Variants in THEMIS observed in about 807,000 individuals in gnomAD.
THEMIS encodes the protein thymocyte selection associated.
THEMIS carries 37 observed loss-of-function variants against 52.6 expected under a neutral mutation model. The ratio of observed to expected loss-of-function variants is 0.70; its 90% CI spans 0.54 to 0.93. The LOEUF is 0.93. THEMIS is among the 40% of genes least tolerant of loss of function. The pLI, the probability that THEMIS is intolerant of heterozygous loss-of-function variation, is 0.00. For synonymous variants in THEMIS, 292 were observed against 272.7 expected, an observed-to-expected ratio of 1.07 and a Z score of -0.70; for missense variants, 808 against 763.1, an observed-to-expected ratio of 1.06 and a Z score of -0.69.
At chr6:127,845,597 G>A (rs781646182) in intron 2 of THEMIS, among the ~76,000 whole-genome samples, 6 of 151,838 alleles carry the variant, frequency 4.0e-5, no homozygotes, top group Non-Finnish European at 7.4e-5. Context: ...CAATCCCAGA[G>A]AATTGTTATT....
At chr6:127,861,799 A>G (rs1411556659) in intron 1 of THEMIS, among the ~76,000 whole-genome samples, 1 of 86,240 alleles carries the variant, frequency 1.2e-5, no homozygotes, top group Non-Finnish European at 2.5e-5. Context: ...AAAAAAAAAA[A>G]AAAAAAGAAA....
the THEMIS span, among the ~76,000 whole-genome samples, chr6:127,702,290 A>C: frequency 6.6e-6 from 1 of 152,114 alleles, no homozygotes; most frequent in African/African-American, 2.4e-5. Flanking sequence ...CTCCTTCTGA[A>C]ATTTCACCAT....
upstream of THEMIS, among the ~76,000 whole-genome samples, chr6:127,901,546 C>T (rs1353673910): frequency 6.6e-6 from 1 of 151,854 alleles, no homozygotes; most frequent in Non-Finnish European, 1.5e-5. Context: ...TTTTATTCTT[C>T]CACATTAAAA....
At chr6:127,819,173 CAG>C (rs1778247435) in intron 3 of THEMIS, among the ~76,000 whole-genome samples, 1 of 53,448 alleles carries the variant, frequency 1.9e-5, no homozygotes, top group Non-Finnish European at 4.3e-5. Context: ...AACACAGAAA[CAG>C]AAATAAAGTC....
At chr6:127,847,487 A>G (rs1490561940) in intron 2 of THEMIS, among the ~76,000 whole-genome samples, 1 of 152,158 alleles carries the variant, frequency 6.6e-6, no homozygotes, top group South Asian at 2.1e-4. Context: ...CTTTAAATCA[A>G]CAATGACCAA....
intron 3 of THEMIS, among the ~76,000 whole-genome samples, chr6:127,817,631 C>A (rs1218773663): frequency 6.6e-6 from 1 of 152,062 alleles, no homozygotes; most frequent in Non-Finnish European, 1.5e-5. Context: ...TGAAAATCAA[C>A]AACTCTTCTT....
chr6:127,727,326 A>G (rs1774584808), intron 4 of THEMIS, among the ~76,000 whole-genome samples: 1 of 152,200 alleles, frequency 6.6e-6, no homozygotes, highest in Admixed American at 6.6e-5. Context: ...ATTTTAAATT[A>G]TGAAAACAGA....
At chr6:127,719,523 T>G (rs910301525) in intron 5 of THEMIS, among the ~76,000 whole-genome samples, 165 bp downstream of exon 5, 1 of 151,962 alleles carries the variant, frequency 6.6e-6, no homozygotes, top group Non-Finnish European at 1.5e-5. Context: ...TTCAATATCA[T>G]GCTTCACATA....
chr6:127,758,088 A>G (rs1379775133), intron 4 of THEMIS, among the ~76,000 whole-genome samples: 1 of 151,502 alleles, frequency 6.6e-6, no homozygotes, highest in East Asian at 1.9e-4. Context: ...CATGTTCATA[A>G]CAAAAGAGAT....
chr6:127,893,841 A>G (rs537931962), intron 1 of THEMIS, among the ~76,000 whole-genome samples: 1 of 152,258 alleles, frequency 6.6e-6, no homozygotes, highest in Non-Finnish European at 1.5e-5. Context: ...GAGGACAAAG[A>G]ATATGTTTCC....
At chr6:127,899,924 T>TATATATAA (rs1554248219) in intron 1 of THEMIS, among the ~76,000 whole-genome samples, 1 of 144,570 alleles carries the variant, frequency 6.9e-6, no homozygotes, top group African/African-American at 2.5e-5. Flanking sequence ...TATATATATA[T>TATATATAA]AATATATATA....
intron 1 of THEMIS, among the ~76,000 whole-genome samples, chr6:127,907,646 G>A (rs1455126082): frequency 6.6e-6 from 1 of 151,802 alleles, no homozygotes; most frequent in Non-Finnish European, 1.5e-5. Context: ...ATCACAAAAA[G>A]TGTTGGAAGA....
intron 4 of THEMIS, among the ~76,000 whole-genome samples, chr6:127,734,979 G>GTATA (rs563903085): frequency 2.2e-5 from 3 of 133,864 alleles, no homozygotes; most frequent in South Asian, 2.5e-4. Flanking sequence ...ATATGTGTGT[G>GTATA]TATATATATA....
At chr6:127,721,332 A>G (rs952781774) in intron 4 of THEMIS, among the ~76,000 whole-genome samples, 6 of 152,040 alleles carry the variant, frequency 3.9e-5, no homozygotes, top group Non-Finnish European at 8.8e-5. Flanking sequence ...GCAGCATTGT[A>G]TGCTGACGGA....
intron 4 of THEMIS, among the ~76,000 whole-genome samples, chr6:127,799,922 T>A (rs960666947): frequency 6.6e-6 from 1 of 152,212 alleles, no homozygotes; most frequent in African/African-American, 2.4e-5. Context: ...AATTTAGTCA[T>A]AATGATGTTC....
At chr6:127,868,352 GC>G in intron 1 of THEMIS, 1 of 787,324 alleles carries the variant, frequency 1.3e-6, no homozygotes, top group Non-Finnish European at 1.5e-6. Context: ...TATGGATGGG[GC>G]TTTGTTTTCC....
intron 1 of THEMIS, among the ~76,000 whole-genome samples, chr6:127,857,814 G>T (rs1256051998): frequency 6.6e-6 from 1 of 152,034 alleles, no homozygotes; most frequent in Non-Finnish European, 1.5e-5. Context: ...TAACAATATA[G>T]TCTCTGTTTG....
intron 1 of THEMIS, among the ~76,000 whole-genome samples, chr6:127,878,164 C>A (rs1020611653): frequency 2.6e-5 from 4 of 152,138 alleles, no homozygotes; most frequent in African/African-American, 9.7e-5. Flanking sequence ...AAAATGTGTT[C>A]ATTAGTTGCA....
chr6:127,799,553 A>ATCTTTCTTTCTT lies in THEMIS; in HGVS notation c.1758+13318_1758+13329dup, dbSNP rs748513282. On this transcript the variant is annotated intron_variant, in intron 4 of 5. Coordinates refer to ENST00000368248, the MANE Select transcript of THEMIS (RefSeq NM_001010923.3). ...TCTCTTTCTTTCTTTCTTTCTTTCT[A>ATCTTTCTTTCTT]TCTTTCTTTCTTTCTTTCTTTCTTT... Among the ~76,000 whole-genome samples the ATCTTTCTTTCTT allele has an allele frequency of 5.6e-3, 813 of 144,598 alleles. 2 individuals carry two copies. Among genetic ancestry groups the ATCTTTCTTTCTT allele is most frequent in the Admixed American group, 7.4e-3 (106 of 14,354 alleles). The allele number at this position is 144,598 out of a possible 152,430, so 94.9% of individuals were successfully genotyped here. A position where few individuals can be genotyped will look rare whatever the true frequency, so the allele number is the denominator to read the frequency against.
Sources: allele counts gnomAD v4.1 joint callset (sites outside exome capture counted in the v4.1 genomes callset), GRCh38; gene constraint gnomAD v4.1.1; transcripts MANE v1.5; gene names NCBI Gene and HGNC (gene_info 2026-07-23, HGNC 2026-07-21).